RECQL: variants seen among roughly 807,000 people sequenced by gnomAD.
RECQL encodes ATP-dependent DNA helicase Q1.
A neutral mutation model predicts 75.8 loss-of-function variants in RECQL; 73 were observed. The observed-to-expected ratio is 0.96, with a 90% confidence interval of 0.80 to 1.17. RECQL has a LOEUF of 1.17. RECQL is among the 50% of genes most tolerant of loss of function. RECQL has a pLI of 0.00. For synonymous variants in RECQL, 248 were observed against 254.4 expected (o/e 0.97, Z 0.24); for missense variants, 699 against 772.1 (o/e 0.91, Z 1.12).
chr12:21,490,564 A>G (rs748810454), intron 3 of RECQL, among the ~76,000 whole-genome samples, 186 bp from the exon 4 acceptor site: 15 of 152,240 alleles, frequency 9.9e-5, no homozygotes, highest in Non-Finnish European at 1.6e-4. Flanking sequence ...TATAAGACAT[A>G]GTAGGCATGG....
intron 11 of RECQL, among the ~76,000 whole-genome samples, chr12:21,474,002 G>A (rs1038928299): frequency 2.6e-5 from 4 of 152,034 alleles, no homozygotes; most frequent in African/African-American, 9.7e-5. Context: ...AACATCTTTG[G>A]GGGGCCATTG....
chr12:21,493,922 T>C (rs1943457654), intron 2 of RECQL, among the ~76,000 whole-genome samples: 1 of 152,168 alleles, frequency 6.6e-6, no homozygotes, highest in African/African-American at 2.4e-5. Context: ...AATATATCAA[T>C]AGAAACTGTG....
In RECQL at chr12:21,473,645, GCAAA is replaced by G; in HGVS notation, c.1356-7_1356-4del. ...GAGCCATCAACACACGACGACATCTGCAAACACATTTAAAGATACAAATTATTAA... is the reference window on the plus strand; with the variant it reads ...GAGCCATCAACACACGACGACATCTGCACATTTAAAGATACAAATTATTAA... On this transcript the variant is annotated splice_region_variant and splice_polypyrimidine_tract_variant and intron_variant, in intron 11 of 14. Coordinates refer to ENST00000444129, the MANE Select transcript of RECQL (RefSeq NM_002907.4). 1 of 1,610,062 alleles carries G rather than the reference GCAAA, an allele frequency of 6.2e-7. No homozygotes were observed. Among genetic ancestry groups the G allele is most frequent in the Non-Finnish European group, 8.5e-7 (1 of 1,177,206 alleles).
chr12:21,490,342 T>G lies in RECQL; in HGVS notation c.251A>C (p.Gln84Pro). The change falls in exon 4 of 15, where the codon CAA becomes CCA. Residue 84 changes from glutamine to proline, a missense_variant. Around this residue, in one of 2 missense-constraint regions of RECQL, gnomAD observed 669 missense variants for 713.5 expected, o/e 0.94. Transcript: ENST00000444129. ...PWSGKVKDILQNVFKLEKFRP... is the reference protein window; with the variant it reads ...PWSGKVKDILPNVFKLEKFRP... ...GAACTTTTCCAGTTTAAAGACATTTTGCAGAATATCTTTAACTTTACCAGA... is the reference window on the plus strand; with the variant it reads ...GAACTTTTCCAGTTTAAAGACATTTGGCAGAATATCTTTAACTTTACCAGA... The G allele has an allele frequency of 6.2e-7, 1 of 1,612,612 alleles. No individual in the cohort carries two copies. The highest frequency in any genetic ancestry group is 8.5e-7 in the Non-Finnish European group (1 of 1,179,082).
In RECQL at chr12:21,475,539, T is replaced by A; in HGVS notation, c.1145A>T (p.Asp382Val). ...VAFGMGIDKP[D>V]VRFVIHHSMS... ...TGAATGATGGATAACAAACCTCACA[T>A]CTGGCTTATCAATTCCCATACCAAA... Residue 382 changes from aspartate to valine, a missense_variant, in exon 10 of 15, where the codon GAT (aspartate) becomes GTT (valine). Asp to Val is a radical substitution (Grantham distance 152, BLOSUM62 -3). Around this residue, in one of 2 missense-constraint regions of RECQL, gnomAD observed 669 missense variants for 713.5 expected, o/e 0.94. Transcript: ENST00000444129. The A allele has an allele frequency of 6.2e-7, 1 of 1,612,978 alleles. No individual in the cohort carries two copies. Among genetic ancestry groups the A allele is most frequent in the Non-Finnish European group, 8.5e-7 (1 of 1,179,306 alleles).
chr12:21,483,670 A>G (rs1943235970), intron 5 of RECQL, 96 bp from the exon 6 acceptor site: 1 of 874,744 alleles, frequency 1.1e-6, no homozygotes, highest in Non-Finnish European at 1.7e-6. Context: ...CTCCAAAGCA[A>G]TAATAGCCTT....
At chr12:21,479,762 A>AGTT (rs1319137873) in intron 6 of RECQL, among the ~76,000 whole-genome samples, 1 of 152,226 alleles carries the variant, frequency 6.6e-6, no homozygotes, top group Non-Finnish European at 1.5e-5. Flanking sequence ...AAAAGATGGC[A>AGTT]GTAACAGACC....
intron 8 of RECQL, among the ~76,000 whole-genome samples, chr12:21,476,317 C>T (rs780161689): frequency 3.3e-5 from 5 of 152,040 alleles, no homozygotes; most frequent in Non-Finnish European, 1.5e-5. Context: ...ATACCTGCAA[C>T]CTTTCTCAAA....
At chr12:21,471,882 A>T in intron 12 of RECQL, among the ~76,000 whole-genome samples, 1 of 152,004 alleles carries the variant, frequency 6.6e-6, no homozygotes, top group East Asian at 1.9e-4. Flanking sequence ...ATAAAAAAAA[A>T]TTGGTTATCA....
rs140439673 is a variant in RECQL, at chr12:21,491,494, CAAA to C, written c.214+22_214+24del. On this transcript the variant is annotated intron_variant, in intron 3 of 14. Coordinates refer to ENST00000444129, the MANE Select transcript of RECQL (RefSeq NM_002907.4). Reference sequence around the variant, plus strand: ...AAAATATGAGAAGAAATAAAACTAGCAAAAAAAAAAAAAAAAAAGTTAACCTTC... The same window carrying C: ...AAAATATGAGAAGAAATAAAACTAGCAAAAAAAAAAAAAAAGTTAACCTTC... 2.1e-3 allele frequency: 2,776 copies of C among 1,312,158 alleles called. 1 individual carries two copies. The highest frequency in any genetic ancestry group is 9.5e-3 in the East Asian group (358 of 37,736). The allele number at this position is 1,312,158 out of a possible 1,614,324, so 81.3% of individuals were successfully genotyped here.
intron 5 of RECQL, among the ~76,000 whole-genome samples, chr12:21,485,349 A>C (rs947025911): frequency 1.4e-5 from 2 of 143,036 alleles, no homozygotes; most frequent in Non-Finnish European, 3.0e-5. Context: ...AAAAAGAAAA[A>C]GAAAGAAAAG....
At chr12:21,474,601 G>A (rs1459669421) in intron 11 of RECQL, among the ~76,000 whole-genome samples, 1 of 151,990 alleles carries the variant, frequency 6.6e-6, no homozygotes, top group Non-Finnish European at 1.5e-5. Flanking sequence ...CTATCAATGT[G>A]TCTCAAAAAC....
intron 3 of RECQL, among the ~76,000 whole-genome samples, chr12:21,490,829 G>A (rs111989066): frequency 0.039 from 5,988 of 152,032 alleles, 129 homozygotes; most frequent in Middle Eastern, 0.061. Context: ...ACTCCAGCCT[G>A]GGCAACAAAG....
In RECQL at chr12:21,477,001, A is replaced by C. The variant is rs1190722415; in HGVS notation, c.868-9T>G. The C allele has an allele frequency of 6.3e-7, 1 of 1,597,654 alleles. No homozygotes were observed. Among genetic ancestry groups the C allele is most frequent in the Non-Finnish European group, 8.5e-7 (1 of 1,172,076 alleles). ...GAGGGCTTCTGCCGAACCTAAAAAAAACTTAACTTATTAAAAAGTAAATGA... is the reference window on the plus strand; with the variant it reads ...GAGGGCTTCTGCCGAACCTAAAAAACACTTAACTTATTAAAAAGTAAATGA... On this transcript the variant is annotated splice_polypyrimidine_tract_variant and intron_variant, in intron 7 of 14. Coordinates refer to ENST00000444129, the MANE Select transcript of RECQL (RefSeq NM_002907.4).
chr12:21,475,031 T>A (rs780406611), intron 10 of RECQL, 52 bp from the exon 11 acceptor site: 1 of 1,566,666 alleles, frequency 6.4e-7, no homozygotes, highest in Non-Finnish European at 8.7e-7. Context: ...AAATTCAAAA[T>A]ATGCAAAAAT....
In RECQL at chr12:21,471,539, C is replaced by T. The variant is rs1233311077; in HGVS notation, c.1556G>A (p.Trp519Ter). The T allele has an allele frequency of 1.9e-6, 3 of 1,612,264 alleles. No homozygotes were observed. Among genetic ancestry groups the T allele is most frequent in the Admixed American group, 3.3e-5 (2 of 59,768 alleles). Residue 519 changes from tryptophan to a stop codon, truncating the protein, a stop_gained, in exon 13 of 15, where the codon TGG becomes TAG. Coordinates refer to ENST00000444129, the MANE Select transcript of RECQL (RefSeq NM_002907.4). LOFTEE classifies it high-confidence loss of function. ...KLTPLKLIDS[W>*]MGKGAAKLRV... ...CAGTTTTGCTGCACCCTTTCCCATC[C>T]AAGAATCAATCAGTTTCAATGGAGT...
At chr12:21,475,271 CAT>C (rs1943061692) in intron 10 of RECQL, among the ~76,000 whole-genome samples, 195 bp downstream of exon 10, 1 of 151,916 alleles carries the variant, frequency 6.6e-6, no homozygotes. Context: ...TCTTAACACA[CAT>C]AAAAAGAAAC....
intron 12 of RECQL, among the ~76,000 whole-genome samples, chr12:21,472,537 AGGTT>A (rs758415906): frequency 4.1e-4 from 62 of 152,050 alleles, no homozygotes; most frequent in Middle Eastern, 3.4e-3. Flanking sequence ...CTTCTAGAAA[AGGTT>A]AGGGAGTTCC....
At chr12:21,477,519 T>G (rs56017868) in intron 7 of RECQL, among the ~76,000 whole-genome samples, 119 of 152,270 alleles carry the variant, frequency 7.8e-4, no homozygotes, top group African/African-American at 2.6e-3. Flanking sequence ...TCTCCATCTT[T>G]ATACAAAAAA....
Sources: allele counts gnomAD v4.1 joint callset (sites outside exome capture counted in the v4.1 genomes callset), GRCh38; gene constraint gnomAD v4.1.1; regional missense constraint gnomAD v4.1.1; transcripts MANE v1.5; gene names NCBI Gene and HGNC (gene_info 2026-07-23, HGNC 2026-07-21).